The following CAGE1 variants were observed in gnomAD, a reference collection of about 807,000 sequenced individuals.
CAGE1 encodes the protein cancer antigen 1.
In CAGE1, 66 loss-of-function variants were observed where a neutral mutation model predicts 94.9. The observed-to-expected ratio is 0.70, with a 90% CI of 0.57 to 0.85. CAGE1 has a LOEUF of 0.85. Among genes scored for constraint, CAGE1 ranks in the 40% least tolerant of loss-of-function variants. CAGE1 has a pLI of 0.00. For missense variants in CAGE1, 865 were observed against 950.4 expected, an observed-to-expected ratio of 0.91 and a Z score of 1.18; for synonymous variants, 319 against 321.0, an observed-to-expected ratio of 0.99 and a Z score of 0.07.
rs1190201044 is a variant in CAGE1, at chr6:7,362,539, G to C, written c.2193+2929C>G. On this transcript the variant is annotated intron_variant, in intron 9 of 13. Transcript: ENST00000502583. This position sits in a 1 kb window ranked among gnomAD's most constrained non-coding sequence, Gnocchi z 4.1. ...CTCAGGATGGAGGAGGCCAGGCTGT[G>C]AATGGAGCAGATGGCAGGGTCAGAA... 6.6e-6 allele frequency among the ~76,000 whole-genome samples: 1 copy of C among 152,202 alleles called. No homozygotes were observed. The highest frequency in any genetic ancestry group is 1.5e-5 in the Non-Finnish European group (1 of 68,036).
In CAGE1 at chr6:7,373,555, C is replaced by T. The variant is rs774168434; in HGVS notation, c.1264G>A (p.Glu422Lys). Residue 422 changes from glutamate (E) to lysine (K), a missense_variant, in exon 5 of 14, where the codon GAA becomes AAA. Coordinates refer to ENST00000502583, the MANE Select transcript of CAGE1 (RefSeq NM_001170692.2). ...TGTTGCATTTCAGTCATGTACCTTTCCTGTAAACACACATAATTAGCCTTG... is the reference window on the plus strand; with the variant it reads ...TGTTGCATTTCAGTCATGTACCTTTTCTGTAAACACACATAATTAGCCTTG... ...KIKANYVCLQ[E>K]RYMTEMQQKN... The T allele has an allele frequency of 1.2e-6, 2 of 1,613,502 alleles. No homozygotes were observed. The highest frequency in any genetic ancestry group is 1.7e-6 in the Non-Finnish European group (2 of 1,179,794).
intron 3 of CAGE1, among the ~76,000 whole-genome samples, chr6:7,381,536 C>CTTT (rs35581180): frequency 1.4e-5 from 2 of 143,034 alleles, no homozygotes; most frequent in Admixed American, 7.0e-5. Flanking sequence ...TATTACGTGC[C>CTTT]TTTTTTTTTT....
intron 5 of CAGE1, among the ~76,000 whole-genome samples, 169 bp downstream of exon 5, chr6:7,372,904 C>T (rs1476047380): frequency 6.6e-6 from 1 of 152,142 alleles, no homozygotes; most frequent in African/African-American, 2.4e-5. Context: ...TGTCAAACTC[C>T]TAGCCTCAAG....
chr6:7,385,842 C>A lies in CAGE1; in HGVS notation c.226G>T (p.Glu76Ter), dbSNP rs768549391. ...NEIKNFEREN[E>*]YESTLCEDAY... is the part of the protein sequence containing the mutation. ...TCTTCACAAAGTGTGGATTCATACT[C>A]ATTTTCCCTTTCAAAATTCTTTATT... Residue 76 changes from glutamate (E) to a stop codon, truncating the protein, a stop_gained, in exon 3 of 14, where the codon GAG becomes TAG. Coordinates refer to ENST00000502583, the MANE Select transcript of CAGE1 (RefSeq NM_001170692.2). LOFTEE classifies it high-confidence loss of function. 17 of 1,539,898 alleles carry A rather than the reference C, an allele frequency of 1.1e-5. No individual in the cohort carries two copies. The South Asian group carries it at 2.0e-4, about 18-fold the overall frequency.
At position 7,379,027 on chromosome 6, in the gene CAGE1, A is replaced by G. The variant is rs1478543399; in HGVS notation, c.284-7T>C. The G allele has an allele frequency of 4.1e-6, 6 of 1,476,086 alleles. No individual in the cohort carries two copies. The highest frequency in any genetic ancestry group is 5.4e-6 in the Non-Finnish European group (6 of 1,115,072). 91.4% of individuals were successfully genotyped at this position (1,476,086 alleles called of 1,614,324 possible). A position where few individuals can be genotyped will look rare whatever the true frequency, so the allele number is the denominator to read the frequency against. On this transcript the variant is annotated splice_region_variant and splice_polypyrimidine_tract_variant and intron_variant, in intron 3 of 13. Coordinates refer to ENST00000502583, the MANE Select transcript of CAGE1 (RefSeq NM_001170692.2). ...TAATTTTCAATGTTGTTATCTCATAAGAAAGAGAAAGAAGGAAATAAAAAC... is the reference window on the plus strand; with the variant it reads ...TAATTTTCAATGTTGTTATCTCATAGGAAAGAGAAAGAAGGAAATAAAAAC...
At chr6:7,386,671 C>G (rs1189273842) in intron 2 of CAGE1, among the ~76,000 whole-genome samples, 3 of 152,132 alleles carry the variant, frequency 2.0e-5, no homozygotes, top group Admixed American at 2.0e-4. Flanking sequence ...CCTGTAACCT[C>G]TACCTCCCAG....
intron 12 of CAGE1, among the ~76,000 whole-genome samples, chr6:7,333,642 C>CTATCTATATA (rs1393663829): frequency 1.6e-5 from 2 of 121,500 alleles, no homozygotes; most frequent in Non-Finnish European, 3.4e-5. Flanking sequence ...ATCTAACTAT[C>CTATCTATATA]TATATATATA....
intron 12 of CAGE1, among the ~76,000 whole-genome samples, chr6:7,330,205 T>C (rs1758699297): frequency 6.6e-6 from 1 of 152,088 alleles, no homozygotes; most frequent in Non-Finnish European, 1.5e-5. Flanking sequence ...CCTGCCAACA[T>C]GGTGAAACCC....
At chr6:7,345,765 T>C (rs1759475983) in intron 11 of CAGE1, among the ~76,000 whole-genome samples, 1 of 151,116 alleles carries the variant, frequency 6.6e-6, no homozygotes, top group Non-Finnish European at 1.5e-5. Flanking sequence ...CTACTAAAAA[T>C]ACAAAAAAAA....
intron 3 of CAGE1, among the ~76,000 whole-genome samples, chr6:7,380,683 G>C (rs1760903062): frequency 1.3e-5 from 2 of 151,552 alleles, no homozygotes; most frequent in African/African-American, 4.8e-5. Flanking sequence ...TGCTTCTGAG[G>C]CTTAGCCACA....
At position 7,367,957 on chromosome 6, in the gene CAGE1, G is replaced by A. The variant is rs1404252935; in HGVS notation, c.2004+731C>T. On this transcript the variant is annotated intron_variant, in intron 7 of 13. Coordinates refer to ENST00000502583, the MANE Select transcript of CAGE1 (RefSeq NM_001170692.2). ...CACCTAGAAAAGAGTACTTGAGGCCGGGTGCAGTGGCTCACGCCCGTAATC... is the reference window on the plus strand; with the variant it reads ...CACCTAGAAAAGAGTACTTGAGGCCAGGTGCAGTGGCTCACGCCCGTAATC... Among the ~76,000 whole-genome samples, 10 of 152,130 alleles carry A rather than the reference G, an allele frequency of 6.6e-5. No homozygotes were observed. In the South Asian group the frequency reaches 1.2e-3, roughly 19 times the overall value.
Position 7,373,395 on chromosome 6 carries a change from C to T in CAGE1, c.1424G>A (p.Arg475Gln), listed in dbSNP as rs761693316. Residue 475 changes from arginine to glutamine, a missense_variant, in exon 5 of 14, where the codon CGG becomes CAG. Arg to Gln is a conservative substitution (Grantham distance 43, BLOSUM62 1). Transcript: ENST00000502583. Reference sequence around the variant, plus strand: ...CTCTTGTTCTTGGGCCTCTTTTTCCCGTTTCAACAAGTCCAAAGCAGAAGC... The same window carrying T: ...CTCTTGTTCTTGGGCCTCTTTTTCCTGTTTCAACAAGTCCAAAGCAGAAGC... Reference protein sequence around the residue: ...ATASALDLLKREKEAQEQEFL... With the variant: ...ATASALDLLKQEKEAQEQEFL... The T allele has an allele frequency of 1.4e-5, 22 of 1,613,602 alleles. No homozygotes were observed. The highest frequency in any genetic ancestry group is 2.2e-5 in the East Asian group (1 of 44,870).
intron 3 of CAGE1, among the ~76,000 whole-genome samples, chr6:7,380,000 G>A (rs1322634445): frequency 1.3e-5 from 2 of 152,094 alleles, no homozygotes; most frequent in East Asian, 1.9e-4. Context: ...TTACTACTTG[G>A]ATGTACACTG....
At chr6:7,380,696 T>A (rs6912449) in intron 3 of CAGE1, among the ~76,000 whole-genome samples, 145,388 of 152,234 alleles carry the variant, frequency 0.96, 69,467 homozygotes, top group African/African-American at 0.99. Context: ...TAGCCACATA[T>A]ATACATATAT....
chr6:7,352,286 G>C (rs1759797629), intron 11 of CAGE1, among the ~76,000 whole-genome samples: 1 of 94,708 alleles, frequency 1.1e-5, no homozygotes, highest in African/African-American at 4.6e-5. Flanking sequence ...TTTTACAATA[G>C]CTGCAAAAAA....
Position 7,334,035 on chromosome 6 carries a change from C to CA in CAGE1, c.2424_2425insT (p.Ala809CysfsTer24). Reference sequence around the variant, plus strand: ...AGGGAAACTTACCTTGGTTTTCTGGCTTTTTCTCTGGGCTTTCTAATTAAA... The same window carrying CA: ...AGGGAAACTTACCTTGGTTTTCTGGCATTTTTCTCTGGGCTTTCTAATTAAA... On this transcript the variant is annotated frameshift_variant, in exon 12 of 14. Transcript: ENST00000502583. LOFTEE classifies it high-confidence loss of function. 6.5e-7 allele frequency: 1 copy of CA among 1,531,602 alleles called. No homozygotes were observed. The highest frequency in any genetic ancestry group is 8.8e-7 in the Non-Finnish European group (1 of 1,130,818). 94.9% of individuals were successfully genotyped at this position (1,531,602 alleles called of 1,614,324 possible).
At chr6:7,345,957 T>C (rs1244611335) in intron 11 of CAGE1, among the ~76,000 whole-genome samples, 1 of 152,112 alleles carries the variant, frequency 6.6e-6, no homozygotes, top group Non-Finnish European at 1.5e-5. Context: ...AGCCTATGAA[T>C]GCATTTGAAG....
chr6:7,360,382 G>T (rs982427440), intron 9 of CAGE1, among the ~76,000 whole-genome samples: 2 of 152,118 alleles, frequency 1.3e-5, no homozygotes, highest in East Asian at 1.9e-4. Context: ...TGAAGCCAGG[G>T]TATTTAGCTC....
At chr6:7,347,778 G>A (rs939864569) in intron 11 of CAGE1, among the ~76,000 whole-genome samples, 2 of 152,012 alleles carry the variant, frequency 1.3e-5, no homozygotes, top group African/African-American at 4.8e-5. Context: ...GGAGTTGGGT[G>A]AGGCCTGTGA....
Sources: gnomAD v4.1 joint callset for allele counts (sites outside exome capture counted in the v4.1 genomes callset) on GRCh38, gnomAD v4.1.1 for gene constraint, Gnocchi (gnomAD v3.1) non-coding constraint, MANE v1.5 for transcripts, NCBI Gene and HGNC (gene_info 2026-07-23, HGNC 2026-07-21) for gene names.